The following ELAVL2 variants were observed in gnomAD, a reference collection of about 807,000 sequenced individuals.
The protein encoded by ELAVL2 is ELAV like RNA binding protein 2.
ELAVL2 carries 4 observed loss-of-function variants against 34.6 expected under a neutral mutation model. The observed-to-expected ratio is 0.12, with a 90% CI of 0.06 to 0.26. The LOEUF is 0.26. Among genes scored for constraint, ELAVL2 ranks in the 10% least tolerant of loss-of-function variants. ELAVL2 has a pLI of 1.00. For synonymous variants in ELAVL2, 193 were observed against 154.8 expected (o/e 1.25, Z -1.83); for missense variants, 432 against 442.8 (o/e 0.98, Z 0.22).
chr9:23,755,739 A>T (rs1201559174), intron 2 of ELAVL2, among the ~76,000 whole-genome samples: 1 of 152,112 alleles, frequency 6.6e-6, no homozygotes, highest in Non-Finnish European at 1.5e-5. Context: ...AGACCTAAGA[A>T]CACACACAAC....
intron 1 of ELAVL2, among the ~76,000 whole-genome samples, chr9:23,819,096 A>G (rs1554768667): frequency 1.3e-5 from 2 of 152,168 alleles, no homozygotes; most frequent in Non-Finnish European, 2.9e-5. Context: ...GAGGCACATT[A>G]TTTTTAAAAG....
chr9:23,792,713 T>A (rs1588561289), intron 1 of ELAVL2, among the ~76,000 whole-genome samples: 1 of 152,212 alleles, frequency 6.6e-6, no homozygotes. Flanking sequence ...AAGGTCAAAA[T>A]GACCCATAAC....
At chr9:23,699,353 A>T (rs568285627) in intron 5 of ELAVL2, among the ~76,000 whole-genome samples, 1 of 152,200 alleles carries the variant, frequency 6.6e-6, no homozygotes, top group East Asian at 1.9e-4. Flanking sequence ...TAAGAATTCA[A>T]TCTTGATTCC....
chr9:23,840,739 A>G, the ELAVL2 span, among the ~76,000 whole-genome samples: 1 of 152,134 alleles, frequency 6.6e-6, no homozygotes, highest in Non-Finnish European at 1.5e-5. Flanking sequence ...TGGCATAGAT[A>G]TATTTTAGTG....
chr9:23,786,781 CAAAAAAAA>C (rs57292061), intron 1 of ELAVL2, among the ~76,000 whole-genome samples: 21 of 108,142 alleles, frequency 1.9e-4, no homozygotes, highest in African/African-American at 3.7e-4. Flanking sequence ...ATTTTAGTGG[CAAAAAAAA>C]AAAAAAAAAA....
At chr9:23,798,821 G>C (rs1426645149) in intron 1 of ELAVL2, among the ~76,000 whole-genome samples, 1 of 152,048 alleles carries the variant, frequency 6.6e-6, no homozygotes, top group Non-Finnish European at 1.5e-5. Flanking sequence ...AGGCACACGT[G>C]TAATTAAATT....
chr9:23,823,143 C>A (rs1305921470), intron 1 of ELAVL2, among the ~76,000 whole-genome samples: 1 of 152,184 alleles, frequency 6.6e-6, no homozygotes, highest in Non-Finnish European at 1.5e-5. Flanking sequence ...ACCCCAAATC[C>A]GATTTGCAAT....
intron 4 of ELAVL2, among the ~76,000 whole-genome samples, chr9:23,704,391 C>G (rs545781534): frequency 6.6e-6 from 1 of 152,202 alleles, no homozygotes; most frequent in South Asian, 2.1e-4. Context: ...TTCAGTTGGG[C>G]TAACAGTGAT....
At chr9:23,840,203 T>C in the ELAVL2 span, among the ~76,000 whole-genome samples, 3 of 152,208 alleles carry the variant, frequency 2.0e-5, no homozygotes, top group Non-Finnish European at 2.9e-5. Context: ...ATTAAGTGAC[T>C]AAAGTATTTG....
chr9:23,782,821 A>T (rs1369633740), intron 1 of ELAVL2, among the ~76,000 whole-genome samples: 3 of 152,204 alleles, frequency 2.0e-5, no homozygotes, highest in South Asian at 4.1e-4. Context: ...AGGTTTGGTA[A>T]ACAGACTTGG....
chr9:23,788,566 A>C (rs1307217225), intron 1 of ELAVL2, among the ~76,000 whole-genome samples: 1 of 152,186 alleles, frequency 6.6e-6, no homozygotes, highest in Admixed American at 6.5e-5. Flanking sequence ...ACTGTAATAA[A>C]AGTTATGTAT....
At chr9:23,729,659 G>A (rs1168169386) in intron 3 of ELAVL2, among the ~76,000 whole-genome samples, 1 of 151,968 alleles carries the variant, frequency 6.6e-6, no homozygotes, top group Non-Finnish European at 1.5e-5. Context: ...TCTTGCTCAA[G>A]AAGTATCTAG....
chr9:23,821,611 T>G (rs2064748885), intron 1 of ELAVL2: 1 of 152,238 alleles, frequency 6.6e-6, no homozygotes, highest in African/African-American at 2.4e-5. Context: ...TTGCCTGCTG[T>G]GACTCGAAGC....
intron 5 of ELAVL2, among the ~76,000 whole-genome samples, chr9:23,699,630 A>T (rs371644753): frequency 5.1e-4 from 78 of 152,140 alleles, no homozygotes; most frequent in Middle Eastern, 3.4e-3. Context: ...TTTGCAATTT[A>T]AAAAAGTATA....
chr9:23,744,390 T>A (rs2050011018), intron 2 of ELAVL2, among the ~76,000 whole-genome samples: 1 of 152,228 alleles, frequency 6.6e-6, no homozygotes, highest in Non-Finnish European at 1.5e-5. Flanking sequence ...TAGCCTATGC[T>A]GTCAAGAGTT....
chr9:23,818,874 G>T (rs984248382), intron 1 of ELAVL2, among the ~76,000 whole-genome samples: 44 of 152,316 alleles, frequency 2.9e-4, no homozygotes, highest in African/African-American at 9.6e-4. Flanking sequence ...TGGGGAAAAA[G>T]AACATGAAGG....
chr9:23,819,027 T>A (rs1026551951), intron 1 of ELAVL2, among the ~76,000 whole-genome samples: 1 of 152,210 alleles, frequency 6.6e-6, no homozygotes, highest in Admixed American at 6.5e-5. Context: ...AAGGCTTTGC[T>A]GTGTCCTTAA....
At chr9:23,702,571 A>C (rs1003211380) in intron 4 of ELAVL2, among the ~76,000 whole-genome samples, 2 of 151,202 alleles carry the variant, frequency 1.3e-5, no homozygotes, top group African/African-American at 4.9e-5. Context: ...GGACCATCAT[A>C]CTTGGAGGAG....
chr9:23,745,868 C>T (rs1201724151), intron 2 of ELAVL2, among the ~76,000 whole-genome samples: 1 of 152,140 alleles, frequency 6.6e-6, no homozygotes, highest in East Asian at 1.9e-4. Context: ...CCTCTGAAGA[C>T]TAAAAGCTAG....
Sources: allele counts gnomAD v4.1 joint callset (sites outside exome capture counted in the v4.1 genomes callset), GRCh38; gene constraint gnomAD v4.1.1; transcripts MANE v1.5; gene names NCBI Gene and HGNC (gene_info 2026-07-23, HGNC 2026-07-21).